The following EYS variants were observed in gnomAD, a reference collection of about 807,000 sequenced individuals.
The protein encoded by EYS is EGF-like photoreceptor maintenance factor.
EYS carries 250 observed loss-of-function variants against 282.1 expected under a neutral mutation model. The observed-to-expected ratio is 0.89, with a 90% CI of 0.80 to 0.98. The LOEUF is 0.98. EYS is among the 50% of genes least tolerant of loss of function. EYS has a pLI of 0.00. For synonymous variants in EYS, 1,355 were observed against 1,282.9 expected, an observed-to-expected ratio of 1.06 and a Z score of -1.20; for missense variants, 4,016 against 3,709.0, an observed-to-expected ratio of 1.08 and a Z score of -2.15.
intron 12 of EYS, among the ~76,000 whole-genome samples, chr6:65,141,645 GTCTGTCTATCTATCTA>G (rs1440737932): frequency 9.8e-4 from 129 of 131,100 alleles, no homozygotes; most frequent in African/African-American, 3.1e-3. Flanking sequence ...CTGTCTGTCT[GTCTGTCTATCTATCTA>G]TCTATCTATC....
chr6:64,032,254 G>A (rs923671025), intron 33 of EYS, among the ~76,000 whole-genome samples: 2 of 151,770 alleles, frequency 1.3e-5, no homozygotes, highest in African/African-American at 4.9e-5. Context: ...CACCTTAAGA[G>A]CTGTAACACT....
intron 2 of EYS, among the ~76,000 whole-genome samples, chr6:65,620,906 T>C (rs1399811824): frequency 3.3e-5 from 5 of 152,238 alleles, no homozygotes; most frequent in African/African-American, 7.2e-5. Flanking sequence ...GATAGCACTG[T>C]GGTCTGAGAG....
intron 35 of EYS, among the ~76,000 whole-genome samples, chr6:63,972,434 G>C (rs1372867960): frequency 6.6e-6 from 1 of 152,190 alleles, no homozygotes; most frequent in African/African-American, 2.4e-5. Flanking sequence ...TTGACTGTTA[G>C]AGTAATCTAA....
intron 12 of EYS, among the ~76,000 whole-genome samples, chr6:65,059,433 G>A (rs1305413556): frequency 6.6e-6 from 1 of 152,028 alleles, no homozygotes; most frequent in African/African-American, 2.4e-5. Flanking sequence ...CTTCAAGTTA[G>A]GAGGTAGTAT....
chr6:64,747,529 C>T (rs1772598826), intron 22 of EYS, among the ~76,000 whole-genome samples: 1 of 152,170 alleles, frequency 6.6e-6, no homozygotes, highest in African/African-American at 2.4e-5. Context: ...TACAGGCACG[C>T]ATCACCATGC....
intron 33 of EYS, among the ~76,000 whole-genome samples, chr6:64,020,336 T>G (rs1304396131): frequency 6.6e-6 from 1 of 152,192 alleles, no homozygotes; most frequent in East Asian, 1.9e-4. Flanking sequence ...TATAAATATG[T>G]ATAAATGTAA....
chr6:64,170,994 C>A (rs1764461036), intron 31 of EYS, among the ~76,000 whole-genome samples: 1 of 152,084 alleles, frequency 6.6e-6, no homozygotes, highest in Non-Finnish European at 1.5e-5. Flanking sequence ...GATTTGACCC[C>A]CTTATGCCTT....
At chr6:65,009,391 C>G (rs1771792428) in intron 13 of EYS, among the ~76,000 whole-genome samples, 1 of 152,122 alleles carries the variant, frequency 6.6e-6, no homozygotes, top group Non-Finnish European at 1.5e-5. Flanking sequence ...ATGCCATTGT[C>G]CCTCTATACC....
intron 2 of EYS, among the ~76,000 whole-genome samples, chr6:65,496,504 T>A (rs1320888538): frequency 2.0e-5 from 3 of 151,744 alleles, no homozygotes; most frequent in Non-Finnish European, 4.4e-5. Context: ...AGGTAAATGA[T>A]GTTAGTGAAA....
chr6:63,742,040 A>G, intron 41 of EYS: 1 of 694,894 alleles, frequency 1.4e-6, no homozygotes. Flanking sequence ...CAGCAGTCTA[A>G]TATCTTCTGT....
rs983489630 is a variant in EYS at position 65,460,097 on chromosome 6, A to G, written c.862+30497T>C. On this transcript the variant is annotated intron_variant, in intron 5 of 42. Transcript: ENST00000503581. ...TATACACACACACACACACACACAC[A>G]CATACATATAAAATATCCTCTAAGA... Among the ~76,000 whole-genome samples the G allele has an allele frequency of 1.8e-4, 27 of 147,860 alleles. No individual in the cohort carries two copies. The East Asian group carries it at 4.2e-3, about 23-fold the overall frequency.
chr6:64,595,292 A>G (rs1442651629), intron 24 of EYS, among the ~76,000 whole-genome samples: 2 of 152,198 alleles, frequency 1.3e-5, no homozygotes, highest in Non-Finnish European at 2.9e-5. Context: ...ATACTTTAAC[A>G]TAATGAAGGT....
intron 37 of EYS, among the ~76,000 whole-genome samples, chr6:63,792,844 A>C (rs1770552004): frequency 6.6e-6 from 1 of 152,140 alleles, no homozygotes; most frequent in African/African-American, 2.4e-5. Context: ...CTGTCTTGAA[A>C]TTCTTAATAC....
intron 27 of EYS, among the ~76,000 whole-genome samples, chr6:64,437,876 AG>A (rs1296937409): frequency 7.0e-6 from 1 of 143,514 alleles, no homozygotes; most frequent in African/African-American, 2.4e-5. Context: ...TTAAATAATA[AG>A]GTATAACTCA....
chr6:64,797,180 G>C (rs986555881), intron 22 of EYS, among the ~76,000 whole-genome samples: 1 of 151,928 alleles, frequency 6.6e-6, no homozygotes, highest in South Asian at 2.1e-4. Context: ...GCAAACAATT[G>C]ACCAAGAAAA....
chr6:65,643,197 G>C (rs1582555672), intron 1 of EYS, among the ~76,000 whole-genome samples: 1 of 152,346 alleles, frequency 6.6e-6, no homozygotes, highest in East Asian at 1.9e-4. Context: ...GGGACACAGT[G>C]GGAGTAAGAC....
At chr6:65,564,172 A>G (rs72487287) in intron 2 of EYS, among the ~76,000 whole-genome samples, 1 of 152,180 alleles carries the variant, frequency 6.6e-6, no homozygotes, top group Non-Finnish European at 1.5e-5. Context: ...AGGAATAACC[A>G]ATATTGAAAA....
intron 2 of EYS, among the ~76,000 whole-genome samples, chr6:65,531,691 C>T (rs760120733): frequency 9.9e-5 from 15 of 152,228 alleles, no homozygotes; most frequent in Admixed American, 1.3e-4. Flanking sequence ...TGGGCAAACA[C>T]GGTTGGTATG....
intron 36 of EYS, among the ~76,000 whole-genome samples, chr6:63,815,832 C>A (rs1031615021): frequency 6.6e-6 from 1 of 151,778 alleles, no homozygotes; most frequent in African/African-American, 2.4e-5. Flanking sequence ...AGGTCATTGA[C>A]AATAATTTTT....
Sources: allele counts gnomAD v4.1 joint callset (sites outside exome capture counted in the v4.1 genomes callset), GRCh38; gene constraint gnomAD v4.1.1; transcripts MANE v1.5; gene names NCBI Gene and HGNC (gene_info 2026-07-23, HGNC 2026-07-21).